Variants in RAPGEF4 observed in about 807,000 individuals in gnomAD.
The protein encoded by RAPGEF4 is RAP guanine-nucleotide-exchange factor (GEF) 4.
A neutral mutation model predicts 147.9 loss-of-function variants in RAPGEF4; 66 were observed. That is an observed-to-expected ratio of 0.45 (90% confidence interval 0.37 to 0.55). RAPGEF4 has a LOEUF of 0.55. RAPGEF4 is among the 20% of genes least tolerant of loss of function. The pLI, the probability that RAPGEF4 is intolerant of heterozygous loss-of-function variation, is 0.00. For synonymous variants in RAPGEF4, 419 were observed against 442.7 expected, an observed-to-expected ratio of 0.95 and a Z score of 0.67; for missense variants, 1,071 against 1,257.3, an observed-to-expected ratio of 0.85 and a Z score of 2.24.
intron 4 of RAPGEF4, among the ~76,000 whole-genome samples, chr2:172,888,551 C>T (rs1697511200): frequency 6.6e-6 from 1 of 152,226 alleles, no homozygotes; most frequent in East Asian, 1.9e-4. Flanking sequence ...AGCATTAGCT[C>T]TGTCTTTCAT....
chr2:173,007,066 T>C (rs534276224), intron 17 of RAPGEF4, among the ~76,000 whole-genome samples: 7 of 152,336 alleles, frequency 4.6e-5, no homozygotes, highest in Non-Finnish European at 1.0e-4. Context: ...ATATCAACAC[T>C]ATGTACTCTT....
intron 4 of RAPGEF4, among the ~76,000 whole-genome samples, chr2:172,817,134 G>T (rs1688588226): frequency 1.3e-5 from 2 of 152,126 alleles, no homozygotes; most frequent in African/African-American, 4.8e-5. Context: ...CTATGTGTTA[G>T]GTATATGTAT....
At chr2:172,969,245 C>G (rs756429107) in intron 10 of RAPGEF4, among the ~76,000 whole-genome samples, 4 of 152,222 alleles carry the variant, frequency 2.6e-5, no homozygotes, top group Non-Finnish European at 5.9e-5. Flanking sequence ...CTACATTGTT[C>G]TAGATACTAT....
chr2:173,012,458 TG>T (rs1248894342), intron 17 of RAPGEF4, among the ~76,000 whole-genome samples: 1 of 152,216 alleles, frequency 6.6e-6, no homozygotes, highest in Non-Finnish European at 1.5e-5. Context: ...AGATAGCACC[TG>T]CCAAAGCCTG....
chr2:172,886,329 C>T (rs968780330), intron 4 of RAPGEF4, among the ~76,000 whole-genome samples: 3 of 152,294 alleles, frequency 2.0e-5, no homozygotes, highest in Middle Eastern at 3.4e-3. Context: ...TGAGTATCTG[C>T]AAGAGACCAC....
Position 172,988,712 on chromosome 2 carries a change from A to G in RAPGEF4, c.1247A>G (p.His416Arg), listed in dbSNP as rs1178844428. 1.2e-6 allele frequency: 2 copies of G among 1,612,674 alleles called. No homozygotes were observed. Among genetic ancestry groups the G allele is most frequent in the Non-Finnish European group, 1.7e-6 (2 of 1,178,798 alleles). The change falls in exon 14 of 31, where the codon CAT (histidine) becomes CGT (arginine). Residue 416 changes from histidine (H) to arginine (R), a missense_variant. Physicochemically the swap from His to Arg is conservative, Grantham distance 29. Coordinates refer to ENST00000397081, the MANE Select transcript of RAPGEF4 (RefSeq NM_007023.4). ...ATCCAGGGTGTGGTCTGCACCCTGC[A>G]TGAAGGAGATGACTTCGGCAAGTTA... ...IYGKGVVCTL[H>R]EGDDFGKLAL... is the part of the protein sequence containing the mutation.
At chr2:172,791,417 G>A (rs1239670128) in intron 1 of RAPGEF4, among the ~76,000 whole-genome samples, 1 of 152,142 alleles carries the variant, frequency 6.6e-6, no homozygotes, top group East Asian at 1.9e-4. Flanking sequence ...GATAAAGGAG[G>A]TCCCAGACAT....
At chr2:172,980,608 A>G (rs1000175101) in intron 10 of RAPGEF4, among the ~76,000 whole-genome samples, 1 of 152,200 alleles carries the variant, frequency 6.6e-6, no homozygotes, top group African/African-American at 2.4e-5. Flanking sequence ...ACATGGTTCA[A>G]AAGGAGCTGG....
At chr2:172,770,226 G>A (rs1260290725) in intron 1 of RAPGEF4, among the ~76,000 whole-genome samples, 2 of 152,214 alleles carry the variant, frequency 1.3e-5, no homozygotes, top group Non-Finnish European at 2.9e-5. Context: ...AATGTTTGAA[G>A]TGGACCCCGA....
intron 1 of RAPGEF4, among the ~76,000 whole-genome samples, chr2:172,757,971 A>G (rs1225334876): frequency 6.6e-6 from 1 of 152,190 alleles, no homozygotes; most frequent in African/African-American, 2.4e-5. Context: ...CATAAACATA[A>G]TAAATAAATT....
At chr2:172,952,937 T>C (rs1688350767) in intron 6 of RAPGEF4, among the ~76,000 whole-genome samples, 1 of 152,200 alleles carries the variant, frequency 6.6e-6, no homozygotes, top group African/African-American at 2.4e-5. Context: ...TTAGGGTATG[T>C]TGCGGAGAAA....
intron 4 of RAPGEF4, among the ~76,000 whole-genome samples, chr2:172,896,196 C>T (rs1374700098): frequency 3.3e-5 from 5 of 152,204 alleles, no homozygotes; most frequent in Non-Finnish European, 2.9e-5. Context: ...CCTTCCTTTT[C>T]AGGTCTTTGA....
chr2:172,985,990 T>C (rs1424972848), intron 12 of RAPGEF4, among the ~76,000 whole-genome samples: 1 of 152,238 alleles, frequency 6.6e-6, no homozygotes. Context: ...ATATGCAGTG[T>C]TAATCTATAG....
At chr2:172,915,140 T>C (rs1227587087) in intron 4 of RAPGEF4, among the ~76,000 whole-genome samples, 1 of 152,236 alleles carries the variant, frequency 6.6e-6, no homozygotes, top group Non-Finnish European at 1.5e-5. Flanking sequence ...ACTTTTAATT[T>C]ACAAGTATAA....
At chr2:172,814,159 T>C in intron 3 of RAPGEF4, 120 bp from the exon 4 acceptor site, 3 of 982,752 alleles carry the variant, frequency 3.1e-6, no homozygotes, top group South Asian at 1.5e-5. Context: ...CAAGACTTGT[T>C]GAACTATGCA....
At chr2:172,803,125 A>G (rs183409168) in intron 3 of RAPGEF4, among the ~76,000 whole-genome samples, 15 of 152,276 alleles carry the variant, frequency 9.9e-5, no homozygotes, top group African/African-American at 3.4e-4. Context: ...CCATTCTGGT[A>G]TCTGGAGGAT....
intron 6 of RAPGEF4, among the ~76,000 whole-genome samples, chr2:172,954,863 A>G (rs1321033976): frequency 6.6e-6 from 1 of 152,202 alleles, no homozygotes; most frequent in East Asian, 1.9e-4. Context: ...TTAGATTCAT[A>G]TTATCTTGTA....
In RAPGEF4 at chr2:172,967,344, G is replaced by A. The variant is rs1222615126; in HGVS notation, c.904G>A (p.Glu302Lys). 6.2e-7 allele frequency: 1 copy of A among 1,611,924 alleles called. No individual in the cohort carries two copies. Among genetic ancestry groups the A allele is most frequent in the African/African-American group, 1.3e-5 (1 of 74,850 alleles). Residue 302 changes from glutamate to lysine, a missense_variant, in exon 10 of 31, where the codon GAG (glutamate) becomes AAG (lysine). Physicochemically the swap from Glu to Lys is moderately conservative, Grantham distance 56. Coordinates refer to ENST00000397081, the MANE Select transcript of RAPGEF4 (RefSeq NM_007023.4). ...DEHEDAPLPT[E>K]EEKKECDEEL... ...GCACGAGGATGCCCCTTTGCCTACT[G>A]AGGAGGAGAAGAAGGAGTGTGATGA...
intron 18 of RAPGEF4, among the ~76,000 whole-genome samples, chr2:173,015,834 G>A (rs1262690495): frequency 6.6e-6 from 1 of 152,146 alleles, no homozygotes; most frequent in Non-Finnish European, 1.5e-5. Context: ...CACCAACCAT[G>A]ACCCAGAATG....
Sources: gnomAD v4.1 joint callset for allele counts (sites outside exome capture counted in the v4.1 genomes callset) on GRCh38, gnomAD v4.1.1 for gene constraint, MANE v1.5 for transcripts, NCBI Gene and HGNC (gene_info 2026-07-23, HGNC 2026-07-21) for gene names.